Variants in LAMA1 observed in about 807,000 individuals in gnomAD.
The protein encoded by LAMA1 is laminin subunit alpha-1.
Under a neutral mutation model 348.7 loss-of-function variants are expected in LAMA1, and 219 were observed. The ratio of observed to expected loss-of-function variants is 0.63; its 90% confidence interval spans 0.56 to 0.70. The LOEUF (loss-of-function observed/expected upper bound fraction) is 0.70. Ranked by LOEUF, LAMA1 falls within the 30% of genes least tolerant of loss-of-function variation. The pLI is 0.00. For missense variants in LAMA1, 3,744 were observed against 3,888.0 expected, an observed-to-expected ratio of 0.96 and a Z score of 0.99; for synonymous variants, 1,487 against 1,491.0, an observed-to-expected ratio of 1.00 and a Z score of 0.06.
At chr18:7,074,843 T>C (rs2058160229) in intron 3 of LAMA1, among the ~76,000 whole-genome samples, 1 of 108,796 alleles carries the variant, frequency 9.2e-6, no homozygotes, top group East Asian at 3.6e-4. Flanking sequence ...TGTAATACAT[T>C]ACTAAAATAA....
intron 1 of LAMA1, among the ~76,000 whole-genome samples, chr18:7,085,195 G>C (rs2058209684): frequency 6.6e-6 from 1 of 151,978 alleles, no homozygotes; most frequent in Admixed American, 6.6e-5. Context: ...AAGAGAATAT[G>C]AATATTTTAT....
intron 17 of LAMA1, among the ~76,000 whole-genome samples, chr18:7,025,693 T>TAG (rs1568036284): frequency 6.6e-6 from 1 of 152,184 alleles, no homozygotes; most frequent in Non-Finnish European, 1.5e-5. Flanking sequence ...CACTGGTAAG[T>TAG]AGACAACATA....
In LAMA1 at chr18:7,012,062, C is replaced by T. The variant is rs1430409182; in HGVS notation, c.3440G>A (p.Cys1147Tyr). Residue 1147 changes from cysteine to tyrosine, a missense_variant, in exon 24 of 63, where the codon TGC (cysteine) becomes TAC (tyrosine). Cys to Tyr is a radical substitution (Grantham distance 194). Coordinates refer to ENST00000389658, the MANE Select transcript of LAMA1 (RefSeq NM_005559.4). ...FALRADNPLGCSPCFCSGLSH... is the reference protein window; with the variant it reads ...FALRADNPLGYSPCFCSGLSH... Reference sequence around the variant, plus strand: ...CAGCCCGGAGCAGAAGCACGGGCTGCAGCCCAGGGGGTTGTCTGCGCGGAG... The same window carrying T: ...CAGCCCGGAGCAGAAGCACGGGCTGTAGCCCAGGGGGTTGTCTGCGCGGAG... 7 of 1,612,550 alleles carry T rather than the reference C, an allele frequency of 4.3e-6. No individual in the cohort carries two copies. In the East Asian group the frequency reaches 1.6e-4, roughly 36 times the overall value.
chr18:6,985,552 G>A lies in LAMA1; in HGVS notation c.5471C>T (p.Thr1824Ile). 6.2e-7 allele frequency: 1 copy of A among 1,614,154 alleles called. No individual in the cohort carries two copies. The highest frequency in any genetic ancestry group is 8.5e-7 in the Non-Finnish European group (1 of 1,179,986). Reference sequence around the variant, plus strand: ...CTCTAGAGCATCTTGTACAGCATCTGTTTGTGCAGCAGCAGCATCTATCAA... The same window carrying A: ...CTCTAGAGCATCTTGTACAGCATCTATTTGTGCAGCAGCAGCATCTATCAA... ...RGLIDAAAAQ[T>I]DAVQDALEHL... The change falls in exon 38 of 63, where the codon ACA (threonine) becomes ATA (isoleucine). Residue 1824 changes from threonine (T) to isoleucine (I), a missense_variant. Thr to Ile is a moderately conservative substitution (Grantham distance 89). Around this residue, in one of 3 missense-constraint regions of LAMA1, gnomAD observed 1,983 missense variants for 1,934.3 expected, o/e 1.03. Transcript: ENST00000389658.
intron 19 of LAMA1, among the ~76,000 whole-genome samples, chr18:7,022,245 C>T (rs1205956970): frequency 2.0e-5 from 3 of 152,168 alleles, no homozygotes; most frequent in South Asian, 2.1e-4. Context: ...AATGAATGAA[C>T]GGAGGAATGA....
At chr18:7,019,686 T>C (rs2057906663) in intron 19 of LAMA1, among the ~76,000 whole-genome samples, 1 of 142,374 alleles carries the variant, frequency 7.0e-6, no homozygotes, top group African/African-American at 2.7e-5. Flanking sequence ...TTTTTTTTTT[T>C]TTTTTTTTTT....
chr18:7,098,363 G>A (rs1425173829), intron 1 of LAMA1, among the ~76,000 whole-genome samples: 2 of 151,034 alleles, frequency 1.3e-5, no homozygotes, highest in African/African-American at 4.9e-5. Flanking sequence ...TGGAAAGTGA[G>A]GAGCGTCTCC....
rs58802341 is a variant in LAMA1 at position 7,108,640 on chromosome 18, C to CAAAAAAAAAAAAAAA, written c.61+9005_61+9019dup. Among the ~76,000 whole-genome samples the CAAAAAAAAAAAAAAA allele has an allele frequency of 4.7e-4, 19 of 40,234 alleles. 2 individuals are homozygous for CAAAAAAAAAAAAAAA. Among genetic ancestry groups the CAAAAAAAAAAAAAAA allele is most frequent in the African/African-American group, 6.9e-4 (7 of 10,120 alleles). The allele number at this position is 40,234 out of a possible 152,430, so 26.4% of individuals were successfully genotyped here. On this transcript the variant is annotated intron_variant, in intron 1 of 62. Transcript: ENST00000389658. ...CACTGCACTGAGACAGACTCTGTCT[C>CAAAAAAAAAAAAAAA]AAAAAAAAAAAAAAAAAAAAAAAAA...
chr18:7,067,885 C>T (rs1199490157), intron 3 of LAMA1, among the ~76,000 whole-genome samples: 2 of 150,638 alleles, frequency 1.3e-5, no homozygotes, highest in Admixed American at 6.6e-5. Flanking sequence ...CGGCGTTTTG[C>T]TCTTGTTGCC....
At chr18:6,956,128 T>C (rs887826610) in intron 56 of LAMA1, 8 of 323,120 alleles carry the variant, frequency 2.5e-5, no homozygotes, top group African/African-American at 1.5e-4. Flanking sequence ...TGAATGCTTC[T>C]GCCATCTTCT....
At position 7,041,057 on chromosome 18, in the gene LAMA1, T is replaced by C. The variant is rs75548560; in HGVS notation, c.1262-821A>G. ...TTATGGGATGATGAAAATGTTCGAC[T>C]CTTAGATTGTGGTGATGGTTGCACC... On this transcript the variant is annotated intron_variant, in intron 9 of 62. Transcript: ENST00000389658. 2.5e-3 allele frequency among the ~76,000 whole-genome samples: 376 copies of C among 152,278 alleles called. 2 individuals carry two copies. Among genetic ancestry groups the C allele is most frequent in the African/African-American group, 8.9e-3 (368 of 41,542 alleles).
intron 58 of LAMA1, among the ~76,000 whole-genome samples, chr18:6,949,967 G>T (rs1272494904): frequency 6.6e-6 from 1 of 152,084 alleles, no homozygotes; most frequent in Non-Finnish European, 1.5e-5. Flanking sequence ...TATTGCTTAG[G>T]AATCACGTAG....
chr18:7,023,438 C>A, intron 18 of LAMA1, 63 bp from the exon 19 acceptor site: 1 of 1,303,260 alleles, frequency 7.7e-7, no homozygotes, highest in South Asian at 1.2e-5. Flanking sequence ...ACCGCACTAT[C>A]CAGGGACTCC....
At chr18:7,003,914 G>A (rs567760650) in intron 29 of LAMA1, among the ~76,000 whole-genome samples, 2 of 152,194 alleles carry the variant, frequency 1.3e-5, no homozygotes, top group Admixed American at 1.3e-4. Context: ...GGATCTACCT[G>A]ACCTCTCAAA....
At chr18:7,000,027 T>G in intron 30 of LAMA1, 30 bp from the exon 31 acceptor site, 1 of 1,501,570 alleles carries the variant, frequency 6.7e-7, no homozygotes, top group Non-Finnish European at 9.3e-7. Context: ...TTTTGAATTT[T>G]CAGATATACA....
rs12606109 is a variant in LAMA1 at position 6,953,026 on chromosome 18, C to T, written c.8208-2055G>A. On this transcript the variant is annotated intron_variant, in intron 57 of 62. Transcript: ENST00000389658. ...TGTCTGCCTGTGTCCAGTGGATCCA[C>T]GCCATGGGAGCCATGTCTGCCTGTG... 6.0e-3 allele frequency among the ~76,000 whole-genome samples: 532 copies of T among 88,964 alleles called. 2 individuals carry two copies. The highest frequency in any genetic ancestry group is 0.014 in the East Asian group (21 of 1,552). 58.4% of individuals were successfully genotyped at this position (88,964 alleles called of 152,430 possible). A position where few individuals can be genotyped will look rare whatever the true frequency, so the allele number is the denominator to read the frequency against.
intron 3 of LAMA1, 120 bp downstream of exon 3, chr18:7,079,855 G>A (rs527594871): frequency 7.8e-6 from 6 of 768,668 alleles, no homozygotes; most frequent in African/African-American, 6.8e-5. Context: ...TTCACCTGGT[G>A]GAAATAGTGA....
At position 7,034,564 on chromosome 18, in the gene LAMA1, G is replaced by T. The variant is rs749582721; in HGVS notation, c.1966C>A (p.Arg656Ser). Reference sequence around the variant, plus strand: ...GCAAGGACAGTCATCAGCTGGTCACGATCAATCTGCCTTTTGCTGTGAAAA... The same window carrying T: ...GCAAGGACAGTCATCAGCTGGTCACTATCAATCTGCCTTTTGCTGTGAAAA... ...QDFHSKRQID[R>S]DQLMTVLANV... The change falls in exon 14 of 63, where the codon CGT (arginine) becomes AGT (serine). Residue 656 changes from arginine to serine, a missense_variant. Arg to Ser is a moderately radical substitution (Grantham distance 110). This residue lies in a region of LAMA1 where 1,529 missense variants were observed against 1,689.4 expected (regional missense o/e 0.91). Transcript: ENST00000389658. 13 of 1,613,992 alleles carry T rather than the reference G, an allele frequency of 8.1e-6. No individual in the cohort carries two copies. The Admixed American group carries it at 2.2e-4, about 27-fold the overall frequency.
At position 7,017,268 on chromosome 18, in the gene LAMA1, T is replaced by C; in HGVS notation, c.2808+10A>G. ...AAGGCTAAGGTGTCAATTAGTCACA[T>C]GCATCTTACCAAGCACTGGTCACAC... On this transcript the variant is annotated intron_variant, in intron 20 of 62. Transcript: ENST00000389658. 6.2e-7 allele frequency: 1 copy of C among 1,603,738 alleles called. No individual in the cohort carries two copies. Among genetic ancestry groups the C allele is most frequent in the Non-Finnish European group, 8.5e-7 (1 of 1,171,262 alleles).
Sources: gnomAD v4.1 joint callset for allele counts (sites outside exome capture counted in the v4.1 genomes callset) on GRCh38, gnomAD v4.1.1 for gene constraint, gnomAD v4.1.1 regional missense constraint, MANE v1.5 for transcripts, NCBI Gene and HGNC (gene_info 2026-07-23, HGNC 2026-07-21) for gene names.